SUN1: variants seen among roughly 807,000 people sequenced by gnomAD.
SUN1 encodes the protein SUN domain-containing protein 1.
A neutral mutation model predicts 103.2 loss-of-function variants in SUN1; 61 were observed. The observed-to-expected ratio is 0.59, with a 90% CI of 0.48 to 0.73. The LOEUF is 0.73. Ranked by LOEUF, SUN1 falls within the 30% of genes least tolerant of loss-of-function variation. SUN1 has a pLI of 0.00. For missense variants in SUN1, 1,052 were observed against 1,034.6 expected, an observed-to-expected ratio of 1.02 and a Z score of -0.23; for synonymous variants, 490 against 425.7, an observed-to-expected ratio of 1.15 and a Z score of -1.86.
intron 16 of SUN1, chr7:868,347 G>A (rs1014955789): frequency 9.3e-6 from 2 of 215,006 alleles, no homozygotes; most frequent in African/African-American, 2.4e-5. Context: ...GTGGGGGTGC[G>A]ATCGCAGGCC....
At chr7:863,299 C>T (rs749725210) in intron 15 of SUN1, among the ~76,000 whole-genome samples, 2 of 150,528 alleles carry the variant, frequency 1.3e-5, no homozygotes, top group African/African-American at 2.5e-5. Flanking sequence ...CGAGCTCGCC[C>T]TTGCTGCCCG....
intron 1 of SUN1, among the ~76,000 whole-genome samples, chr7:836,956 G>C (rs1429524592): frequency 6.6e-6 from 1 of 152,242 alleles, no homozygotes; most frequent in Non-Finnish European, 1.5e-5. Context: ...GGGGCGGATG[G>C]AGGGGGTCTG....
At chr7:845,970 G>C (rs755798841) in intron 5 of SUN1, among the ~76,000 whole-genome samples, 16 of 152,146 alleles carry the variant, frequency 1.1e-4, no homozygotes, top group Non-Finnish European at 2.2e-4. Flanking sequence ...GGTTCTCCTA[G>C]GCACCTGCAG....
intron 5 of SUN1, among the ~76,000 whole-genome samples, chr7:847,522 T>C: frequency 1.2e-5 from 1 of 83,144 alleles, no homozygotes; most frequent in Non-Finnish European, 2.5e-5. Context: ...TTGGCGGCCT[T>C]CCCCTGGGGG....
chr7:842,034 G>A lies in SUN1; in HGVS notation c.355G>A (p.Gly119Ser), dbSNP rs1296227373. The change falls in exon 3 of 19, where the codon GGC becomes AGC. Residue 119 changes from glycine (G) to serine (S), a missense_variant. By Grantham distance (56) the Gly-to-Ser change is moderately conservative. Coordinates refer to ENST00000401592, the MANE Select transcript of SUN1 (RefSeq NM_001130965.3). Reference sequence around the variant, plus strand: ...GGTCACGTCCTCTGGCGTCAGCCACGGCGGCACTGTCAGCCTGCAGGATGC... The same window carrying A: ...GGTCACGTCCTCTGGCGTCAGCCACAGCGGCACTGTCAGCCTGCAGGATGC... ...RQVTSSGVSH[G>S]GTVSLQDAVT... 9.3e-6 allele frequency: 15 copies of A among 1,614,058 alleles called. No individual in the cohort carries two copies. The highest frequency in any genetic ancestry group is 1.3e-5 in the Non-Finnish European group (15 of 1,180,046).
At position 873,658 on chromosome 7, in the gene SUN1, GC is replaced by G. The variant is rs2128615388; in HGVS notation, c.*328del. On this transcript the variant is annotated 3_prime_UTR_variant, in exon 19 of 19. Coordinates refer to ENST00000401592, the MANE Select transcript of SUN1 (RefSeq NM_001130965.3). ...CAAAGCAGAGGAAGCTGAGAGTCTGGCGTGTTCTTGACGCTTTGGTCTTCAG... is the reference window on the plus strand; with the variant it reads ...CAAAGCAGAGGAAGCTGAGAGTCTGGGTGTTCTTGACGCTTTGGTCTTCAG... 4.3e-6 allele frequency: 1 copy of G among 232,048 alleles called. No homozygotes were observed. Among genetic ancestry groups the G allele is most frequent in the South Asian group, 9.6e-5 (1 of 10,412 alleles). 14.4% of individuals were successfully genotyped at this position (232,048 alleles called of 1,614,324 possible). A position where few individuals can be genotyped will look rare whatever the true frequency, so the allele number is the denominator to read the frequency against.
upstream of SUN1, chr7:832,475 C>A (rs1305074177): frequency 1.9e-6 from 3 of 1,573,298 alleles, no homozygotes; most frequent in Non-Finnish European, 2.6e-6. Context: ...CCCGTTAAAA[C>A]ACTCTGCATT....
Position 843,462 on chromosome 7 carries a change from G to A in SUN1, c.600G>A (p.Ala200=), listed in dbSNP as rs373536862. ...CCGAGCGCAAGGACGTGCTCACGGCGCACCCCGCGGCCCCCGGGCCCGTGT... is the reference window on the plus strand; with the variant it reads ...CCGAGCGCAAGGACGTGCTCACGGCACACCCCGCGGCCCCCGGGCCCGTGT... The part of the protein sequence containing the change: ...MLSERKDVLT[A]HPAAPGPVSR... The change falls in exon 5 of 19, where the codon GCG becomes GCA. Residue 200 remains alanine (A), a synonymous_variant. Coordinates refer to ENST00000401592, the MANE Select transcript of SUN1 (RefSeq NM_001130965.3). The A allele has an allele frequency of 1.2e-5, 20 of 1,613,970 alleles. No homozygotes were observed. Among genetic ancestry groups the A allele is most frequent in the African/African-American group, 5.3e-5 (4 of 74,930 alleles).
At position 865,920 on chromosome 7, in the gene SUN1, G is replaced by A. The variant is rs75694958; in HGVS notation, c.1865-32G>A. 439 of 1,587,292 alleles carry A rather than the reference G, an allele frequency of 2.8e-4. No homozygotes were observed. In the African/African-American group the frequency reaches 4.8e-3, roughly 17 times the overall value. On this transcript the variant is annotated intron_variant, in intron 15 of 18. Coordinates refer to ENST00000401592, the MANE Select transcript of SUN1 (RefSeq NM_001130965.3). ...TATTGCTTCCAAAATGGTGGAACTG[G>A]ACACTGAGACCGATCTGAACTTTGC...
intron 1 of SUN1, among the ~76,000 whole-genome samples, chr7:834,854 T>A (rs1801460778): frequency 6.6e-6 from 1 of 152,130 alleles, no homozygotes; most frequent in Admixed American, 6.6e-5. Flanking sequence ...GGCGGGTGGA[T>A]CACTTGAGGT....
At chr7:852,544 A>G in intron 7 of SUN1, 65 bp from the exon 8 acceptor site, 4 of 1,600,494 alleles carry the variant, frequency 2.5e-6, no homozygotes, top group Non-Finnish European at 1.7e-6. Context: ...CTAGAGGGGG[A>G]AAACAGATTG....
chr7:848,198 G>GA (rs71020521), intron 5 of SUN1, among the ~76,000 whole-genome samples: 58,595 of 148,184 alleles, frequency 0.4, 11,919 homozygotes, highest in East Asian at 0.5. Flanking sequence ...GATCCCCTGG[G>GA]GGTTACTCTG....
At chr7:827,284 C>T (rs1289251887) in intron 1 of SUN1, among the ~76,000 whole-genome samples, 1 of 152,112 alleles carries the variant, frequency 6.6e-6, no homozygotes, top group East Asian at 1.9e-4. Context: ...CCTTGGCCTC[C>T]CAGAGTGCTG....
intron 5 of SUN1, among the ~76,000 whole-genome samples, chr7:844,118 G>A (rs939902066): frequency 2.6e-5 from 4 of 152,218 alleles, no homozygotes; most frequent in East Asian, 1.9e-4. Context: ...GGGTGTCACC[G>A]CGGGGGGCCT....
chr7:858,381 C>G (rs894893169), intron 13 of SUN1, among the ~76,000 whole-genome samples: 5 of 80,796 alleles, frequency 6.2e-5, no homozygotes, highest in African/African-American at 2.2e-4. Context: ...TTTCAACTCC[C>G]TTTAAAAACT....
Position 854,822 on chromosome 7 carries a change from G to GATTGTCGGTATTCCGTGTAGAA in SUN1, c.1264-96_1264-75dup, listed in dbSNP as rs1273465989. ...GCCACATTGCGACCACAGATTCTCT[G>GATTGTCGGTATTCCGTGTAGAA]ATTGTCGGTATTCCGTGTAGAAACG... On this transcript the variant is annotated intron_variant, in intron 10 of 18. Coordinates refer to ENST00000401592, the MANE Select transcript of SUN1 (RefSeq NM_001130965.3). 55 of 796,820 alleles carry GATTGTCGGTATTCCGTGTAGAA rather than the reference G, an allele frequency of 6.9e-5. No individual in the cohort carries two copies. In the East Asian group the frequency reaches 1.4e-3, roughly 20 times the overall value. 49.4% of individuals were successfully genotyped at this position (796,820 alleles called of 1,614,324 possible).
In SUN1 at chr7:851,400, G is replaced by C; in HGVS notation, c.675G>C (p.Gln225His). The change falls in exon 6 of 19, where the codon CAG becomes CAC. Residue 225 changes from glutamine (Q) to histidine (H), a missense_variant. By Grantham distance (24) the Gln-to-His change is conservative. Coordinates refer to ENST00000401592, the MANE Select transcript of SUN1 (RefSeq NM_001130965.3). ...DRNQKCYFLL[Q>H]ILRRIGAVGQ... Reference sequence around the variant, plus strand: ...CCTGCACAGGTTACTTCTTGCTGCAGATTCTGCGCAGGATCGGAGCTGTGG... The same window carrying C: ...CCTGCACAGGTTACTTCTTGCTGCACATTCTGCGCAGGATCGGAGCTGTGG... 1 of 1,606,222 alleles carries C rather than the reference G, an allele frequency of 6.2e-7. No homozygotes were observed.
At position 874,852 on chromosome 7, in the gene SUN1, G is replaced by A. The variant is rs1196301739; in HGVS notation, c.*1521G>A. On this transcript the variant is annotated 3_prime_UTR_variant, in exon 19 of 19. Coordinates refer to ENST00000401592, the MANE Select transcript of SUN1 (RefSeq NM_001130965.3). Reference sequence around the variant, plus strand: ...GTGCTTCTGCTGCTGCCACCAAATTGATAAGATGCTATTAAGAGGTTTAAA... The same window carrying A: ...GTGCTTCTGCTGCTGCCACCAAATTAATAAGATGCTATTAAGAGGTTTAAA... 1.3e-5 allele frequency: 2 copies of A among 152,170 alleles called. No homozygotes were observed. Among genetic ancestry groups the A allele is most frequent in the South Asian group, 2.1e-4 (1 of 4,830 alleles). 9.4% of individuals were successfully genotyped at this position (152,170 alleles called of 1,614,324 possible). A position where few individuals can be genotyped will look rare whatever the true frequency, so the allele number is the denominator to read the frequency against.
Position 854,552 on chromosome 7 carries a change from G to A in SUN1, c.1264-368G>A, listed in dbSNP as rs188996511. ...GATGGCCCGAGGGGCGCTGGATGGCGTGCTGGAGACGGCGAGGGCCTTGGG... is the reference window on the plus strand; with the variant it reads ...GATGGCCCGAGGGGCGCTGGATGGCATGCTGGAGACGGCGAGGGCCTTGGG... On this transcript the variant is annotated intron_variant, in intron 10 of 18. Transcript: ENST00000401592. Among the ~76,000 whole-genome samples, 30 of 152,352 alleles carry A rather than the reference G, an allele frequency of 2.0e-4. No homozygotes were observed. The East Asian group carries it at 4.8e-3, about 24-fold the overall frequency.
Sources: allele counts gnomAD v4.1 joint callset (sites outside exome capture counted in the v4.1 genomes callset), GRCh38; gene constraint gnomAD v4.1.1; transcripts MANE v1.5; gene names NCBI Gene and HGNC (gene_info 2026-07-23, HGNC 2026-07-21).